ESR2: variants seen among roughly 807,000 people sequenced by gnomAD.
The protein encoded by ESR2 is estrogen receptor beta.
ESR2 carries 36 observed loss-of-function variants against 49.6 expected under a neutral mutation model. The ratio of observed to expected loss-of-function variants is 0.73; its 90% CI spans 0.56 to 0.96. ESR2 has a LOEUF of 0.96. Among genes scored for constraint, ESR2 ranks in the 40% least tolerant of loss-of-function variants. ESR2 has a pLI of 0.00. For synonymous variants in ESR2, 320 were observed against 266.1 expected (o/e 1.20, Z -1.97); for missense variants, 714 against 693.0 (o/e 1.03, Z -0.34).
chr14:64,305,208 G>A (rs1319528411), intron 1 of ESR2, among the ~76,000 whole-genome samples: 2 of 149,136 alleles, frequency 1.3e-5, no homozygotes, highest in Non-Finnish European at 3.0e-5. Context: ...GGAGAATGGC[G>A]TGAACCCAGG....
chr14:64,236,246 A>G (rs1239804207), intron 7 of ESR2, among the ~76,000 whole-genome samples: 3 of 152,196 alleles, frequency 2.0e-5, no homozygotes, highest in Admixed American at 6.5e-5. Flanking sequence ...AGGGACCTCC[A>G]TAATGTCTGA....
At chr14:64,310,286 A>AAAAAATAATAATAAT (rs1555595498) in intron 1 of ESR2, among the ~76,000 whole-genome samples, 7 of 142,462 alleles carry the variant, frequency 4.9e-5, no homozygotes, top group African/African-American at 1.9e-4. Flanking sequence ...TCGTCTCAAA[A>AAAAAATAATAATAAT]AATAATAATA....
chr14:64,255,018 G>A (rs2076070208), intron 6 of ESR2, among the ~76,000 whole-genome samples: 1 of 151,890 alleles, frequency 6.6e-6, no homozygotes, highest in Non-Finnish European at 1.5e-5. Flanking sequence ...CTAAAAGGTA[G>A]GCCTAATATT....
chr14:64,334,075 AT>A (rs1381450640), intron 1 of ESR2, among the ~76,000 whole-genome samples: 2 of 152,162 alleles, frequency 1.3e-5, no homozygotes, highest in African/African-American at 4.8e-5. Context: ...CATAAAAATT[AT>A]TTTTTAAAAG....
At chr14:64,293,496 TAAG>T (rs2076905376) in intron 1 of ESR2, among the ~76,000 whole-genome samples, 1 of 152,134 alleles carries the variant, frequency 6.6e-6, no homozygotes, top group South Asian at 2.1e-4. Context: ...GTCCTTCCAA[TAAG>T]AATAACACGC....
chr14:64,324,404 G>GT (rs2077365127), intron 1 of ESR2, among the ~76,000 whole-genome samples: 1 of 152,078 alleles, frequency 6.6e-6, no homozygotes, highest in Admixed American at 6.6e-5. Context: ...AATATAAATA[G>GT]TTTTTATCAG....
In ESR2 at chr14:64,243,807, T is replaced by C. The variant is rs187596667; in HGVS notation, c.1225+5739A>G. ...CGCCCGCTCCTTTCTGATGGTTCTT[T>C]CCCTGTCCTTGGTATCCTCATAAGC... On this transcript the variant is annotated intron_variant, in intron 7 of 8. Transcript: ENST00000341099. Among the ~76,000 whole-genome samples the C allele has an allele frequency of 2.6e-5, 4 of 152,294 alleles. No individual in the cohort carries two copies. The East Asian group carries it at 5.8e-4, about 22-fold the overall frequency.
intron 4 of ESR2, 115 bp downstream of exon 4, chr14:64,268,680 T>A (rs889002608): frequency 2.9e-6 from 2 of 685,908 alleles, no homozygotes; most frequent in Non-Finnish European, 5.2e-6. Flanking sequence ...AACACGCAAA[T>A]ACTTAATTAC....
intron 1 of ESR2, among the ~76,000 whole-genome samples, chr14:64,335,601 C>T (rs1311689566): frequency 6.6e-6 from 1 of 152,120 alleles, no homozygotes; most frequent in Non-Finnish European, 1.5e-5. Flanking sequence ...AATCAAACTA[C>T]CTCCCAAAGG....
chr14:64,278,377 G>A (rs2076598615), intron 3 of ESR2, among the ~76,000 whole-genome samples: 1 of 152,174 alleles, frequency 6.6e-6, no homozygotes, highest in South Asian at 2.1e-4. Flanking sequence ...GGACAGGTAG[G>A]AAGGTGACTA....
At chr14:64,287,864 T>A (rs1000889810) in intron 1 of ESR2, among the ~76,000 whole-genome samples, 1 of 152,208 alleles carries the variant, frequency 6.6e-6, no homozygotes, top group African/African-American at 2.4e-5. Context: ...ATCGATTGAA[T>A]GTTCAAACAT....
downstream of ESR2, chr14:64,227,630 G>A (rs748554379): frequency 1.9e-5 from 31 of 1,613,622 alleles, no homozygotes; most frequent in South Asian, 1.8e-4. Context: ...GTAGAGATGC[G>A]GGACAAGTCA....
chr14:64,275,405 C>G (rs1188152664), intron 3 of ESR2, among the ~76,000 whole-genome samples: 1 of 152,100 alleles, frequency 6.6e-6, no homozygotes. Flanking sequence ...CACTCCTGCT[C>G]TTTTTTGGTT....
intron 5 of ESR2, among the ~76,000 whole-genome samples, chr14:64,259,487 C>T (rs935960122): frequency 3.9e-5 from 6 of 152,304 alleles, no homozygotes; most frequent in Admixed American, 6.5e-5. Flanking sequence ...ACAGGGGGAT[C>T]GTGGGGTGTT....
In ESR2 at chr14:64,336,546, T is replaced by C. The variant is rs540162172; in HGVS notation, c.-91+1352A>G. On this transcript the variant is annotated intron_variant, in intron 1 of 8. Coordinates refer to the ESR2 transcript ENST00000358599. ...CAGCATGCTCTTGGGGTTTTCCTCA[T>C]AACACACTGGACTCTTCTTTTCAAT... 3 of 152,366 alleles carry C rather than the reference T, an allele frequency of 2.0e-5. No homozygotes were observed. The South Asian group carries it at 6.2e-4, about 32-fold the overall frequency. The allele number at this position is 152,366 out of a possible 1,614,324, so 9.4% of individuals were successfully genotyped here. A position where few individuals can be genotyped will look rare whatever the true frequency, so the allele number is the denominator to read the frequency against.
chr14:64,266,330 A>G (rs995613455), intron 4 of ESR2, among the ~76,000 whole-genome samples: 3 of 152,248 alleles, frequency 2.0e-5, no homozygotes, highest in African/African-American at 4.8e-5. Flanking sequence ...ATCTCTGTTC[A>G]GAGACATGAA....
intron 1 of ESR2, among the ~76,000 whole-genome samples, chr14:64,300,543 C>G (rs61984419): frequency 5.9e-5 from 9 of 151,984 alleles, no homozygotes; most frequent in African/African-American, 7.3e-5. Context: ...GAGGATCGCT[C>G]GAGCCCAGGA....
At position 64,231,998 on chromosome 14, in the gene ESR2, AAGAATTCTT is replaced by A. The variant is rs1288475471; in HGVS notation, c.*1130_*1138del. On this transcript the variant is annotated 3_prime_UTR_variant, in exon 9 of 9. Transcript: ENST00000341099. The stretch of plus-strand genomic sequence containing the variant: ...TTTTTAAAAGAGCTCTCAAGTGTAA[AAGAATTCTT>A]TCTTGCTATAAATAATTATCCCTAA... 1 of 152,208 alleles carries A rather than the reference AAGAATTCTT, an allele frequency of 6.6e-6. No individual in the cohort carries two copies. 9.4% of individuals were successfully genotyped at this position (152,208 alleles called of 1,614,324 possible). A position where few individuals can be genotyped will look rare whatever the true frequency, so the allele number is the denominator to read the frequency against.
rs576512335 is a variant in ESR2 at position 64,287,236 on chromosome 14, C to T, written c.-90-4161G>A. Among the ~76,000 whole-genome samples, 5 of 152,252 alleles carry T rather than the reference C, an allele frequency of 3.3e-5. No homozygotes were observed. The South Asian group carries it at 1.0e-3, about 32-fold the overall frequency. On this transcript the variant is annotated intron_variant, in intron 1 of 8. Transcript: ENST00000341099. ...TCCCCCAGCCCCTGGCAACCACCAGCCTACATTCTGTCTCTATGGATGTGA... is the reference window on the plus strand; with the variant it reads ...TCCCCCAGCCCCTGGCAACCACCAGTCTACATTCTGTCTCTATGGATGTGA...
Sources: gnomAD v4.1 joint callset for allele counts (sites outside exome capture counted in the v4.1 genomes callset) on GRCh38, gnomAD v4.1.1 for gene constraint, MANE v1.5 for transcripts, NCBI Gene and HGNC (gene_info 2026-07-23, HGNC 2026-07-21) for gene names.